Variants in LIMS1 observed in about 807,000 individuals in gnomAD.
The protein encoded by LIMS1 is LIM zinc finger domain containing 1.
LIMS1 carries 18 observed loss-of-function variants against 44.1 expected under a neutral mutation model. The ratio of observed to expected loss-of-function variants is 0.41; its 90% CI spans 0.28 to 0.61. The LOEUF is 0.61. LIMS1 is among the 20% of genes least tolerant of loss of function. The pLI, the probability that LIMS1 is intolerant of heterozygous loss-of-function variation, is 0.32. For missense variants in LIMS1, 201 were observed against 422.0 expected (o/e 0.48, Z 4.59); for synonymous variants, 93 against 149.1 (o/e 0.62, Z 2.74).
chr2:108,579,912 A>G (rs764589273), intron 1 of LIMS1, among the ~76,000 whole-genome samples: 23 of 152,222 alleles, frequency 1.5e-4, no homozygotes, highest in Non-Finnish European at 3.1e-4. Context: ...GGCAAGAGGC[A>G]CCAGGCCAGG....
intron 1 of LIMS1, among the ~76,000 whole-genome samples, chr2:108,567,069 A>G (rs958914963): frequency 1.3e-5 from 2 of 152,326 alleles, no homozygotes; most frequent in Admixed American, 6.5e-5. Context: ...TTCAATGTCT[A>G]TAAATTTGAA....
intron 1 of LIMS1, among the ~76,000 whole-genome samples, chr2:108,584,390 T>C (rs1686013567): frequency 6.6e-6 from 1 of 152,170 alleles, no homozygotes; most frequent in South Asian, 2.1e-4. Context: ...CTTGGGTGAC[T>C]TTTAAAGCCA....
chr2:108,588,288 A>C, intron 1 of LIMS1: 1 of 981,068 alleles, frequency 1.0e-6, no homozygotes, highest in African/African-American at 1.7e-5. Flanking sequence ...AAAACCCTGA[A>C]CTTGGTTTCA....
At chr2:108,621,303 C>A in intron 1 of LIMS1, 6 of 1,546,686 alleles carry the variant, frequency 3.9e-6, no homozygotes, top group Non-Finnish European at 4.4e-6. Context: ...GGCAGCCACA[C>A]TGCTGAGCAT....
At chr2:108,631,101 G>C (rs11686905) in intron 1 of LIMS1, among the ~76,000 whole-genome samples, 1 of 152,302 alleles carries the variant, frequency 6.6e-6, no homozygotes, top group Middle Eastern at 3.4e-3. Flanking sequence ...TCAGCTTCTA[G>C]CCTCTGGCTT....
At chr2:108,567,000 A>G (rs1038342068) in intron 1 of LIMS1, among the ~76,000 whole-genome samples, 2 of 152,218 alleles carry the variant, frequency 1.3e-5, no homozygotes, top group African/African-American at 2.4e-5. Context: ...CTGAAACTCT[A>G]TATCCATTGA....
intron 2 of LIMS1, among the ~76,000 whole-genome samples, chr2:108,667,387 A>G (rs997424350): frequency 5.3e-5 from 8 of 152,092 alleles, no homozygotes; most frequent in Admixed American, 2.6e-4. Flanking sequence ...AGGCCACACA[A>G]TGAGTCTTTC....
At chr2:108,616,240 C>T (rs930945864) in intron 1 of LIMS1, among the ~76,000 whole-genome samples, 8 of 115,852 alleles carry the variant, frequency 6.9e-5, no homozygotes, top group Admixed American at 1.2e-4. Context: ...GGGTCTTACT[C>T]TGTCACCCAG....
At chr2:108,607,760 C>A (rs1687354188) in intron 1 of LIMS1, among the ~76,000 whole-genome samples, 1 of 152,096 alleles carries the variant, frequency 6.6e-6, no homozygotes, top group South Asian at 2.1e-4. Flanking sequence ...TTTTATTAAG[C>A]ATTATTTGGA....
At chr2:108,625,008 G>T (rs1377416339) in intron 1 of LIMS1, among the ~76,000 whole-genome samples, 1 of 152,180 alleles carries the variant, frequency 6.6e-6, no homozygotes, top group Non-Finnish European at 1.5e-5. Context: ...GAGCCTGGAA[G>T]GCGGAGGTTG....
rs1203176417 is a variant in LIMS1, at chr2:108,630,725, G to GCTA, written c.33-28878_33-28876dup. ...GCCCCTGAGATTCCCTCTGCTGTCAGCTACCTGTGTGTCTGTTGGGATATA... is the reference window on the plus strand; with the variant it reads ...GCCCCTGAGATTCCCTCTGCTGTCAGCTACTACCTGTGTGTCTGTTGGGATATA... On this transcript the variant is annotated intron_variant, in intron 1 of 9. Transcript: ENST00000544547. Among the ~76,000 whole-genome samples, 4 of 152,264 alleles carry GCTA rather than the reference G, an allele frequency of 2.6e-5. No individual in the cohort carries two copies. In the East Asian group the frequency reaches 7.7e-4, roughly 29 times the overall value.
intron 3 of LIMS1, among the ~76,000 whole-genome samples, chr2:108,671,879 C>CATAA (rs747934119): frequency 1.3e-5 from 2 of 152,258 alleles, no homozygotes; most frequent in East Asian, 3.9e-4. Flanking sequence ...CTGGTAGACA[C>CATAA]ATAAAAAGTT....
rs1281323378 is a variant in LIMS1 at position 108,550,815 on chromosome 2, C to CA, written c.32+16234dup. 4.9e-3 allele frequency among the ~76,000 whole-genome samples: 590 copies of CA among 120,954 alleles called. 2 individuals are homozygous for CA. Among genetic ancestry groups the CA allele is most frequent in the South Asian group, 9.7e-3 (38 of 3,936 alleles). The allele number at this position is 120,954 out of a possible 152,430, so 79.4% of individuals were successfully genotyped here. ...TGGGCGGCAGAGAGAGACTCCGTCT[C>CA]AAAAAAAAAAAAACCCAGCTTTAGG... On this transcript the variant is annotated intron_variant, in intron 1 of 9. Transcript: ENST00000544547.
chr2:108,587,757 C>T (rs1371718501), intron 1 of LIMS1, among the ~76,000 whole-genome samples: 2 of 152,102 alleles, frequency 1.3e-5, no homozygotes, highest in African/African-American at 4.8e-5. Context: ...CTGAGGAGTC[C>T]CAGGAGGTGA....
chr2:108,653,974 G>A (rs1444226558), intron 1 of LIMS1, among the ~76,000 whole-genome samples: 1 of 147,048 alleles, frequency 6.8e-6, no homozygotes, highest in African/African-American at 2.5e-5. Context: ...TGAACAATAG[G>A]GCAGAGGAAG....
At chr2:108,686,694 T>G (rs1429812648) in exon 10 of LIMS1, 1 of 150,224 alleles carries the variant, frequency 6.7e-6, no homozygotes, top group African/African-American at 2.5e-5. Flanking sequence ...GAGAATGGCT[T>G]GAACCCAGGA....
intron 1 of LIMS1, among the ~76,000 whole-genome samples, chr2:108,582,844 G>A (rs2104659075): frequency 6.6e-6 from 1 of 152,160 alleles, no homozygotes; most frequent in African/African-American, 2.4e-5. Flanking sequence ...AGTTTTCTGG[G>A]AATGCCATGA....
In LIMS1 at chr2:108,612,366, C is replaced by G. The variant is rs557385487; in HGVS notation, c.33-47239C>G. ...CAGTGCCTCTTCATACACCCACGCT[C>G]TCCTGAAGTTTGCTGTTTGTATTGC... On this transcript the variant is annotated intron_variant, in intron 1 of 9. Coordinates refer to ENST00000544547, the Ensembl canonical transcript of LIMS1. Among the ~76,000 whole-genome samples, 4 of 152,178 alleles carry G rather than the reference C, an allele frequency of 2.6e-5. No individual in the cohort carries two copies. In the South Asian group the frequency reaches 6.2e-4, roughly 24 times the overall value.
At chr2:108,680,108 C>T (rs11123711) in intron 8 of LIMS1, among the ~76,000 whole-genome samples, 62,506 of 151,624 alleles carry the variant, frequency 0.41, 14,833 homozygotes, top group East Asian at 0.94. Flanking sequence ...CAGTGGCTCA[C>T]GCTTGTAATC....
Sources: gnomAD v4.1 joint callset for allele counts (sites outside exome capture counted in the v4.1 genomes callset) on GRCh38, gnomAD v4.1.1 for gene constraint, MANE v1.5 for transcripts, NCBI Gene and HGNC (gene_info 2026-07-23, HGNC 2026-07-21) for gene names.